Variants in ERICH3 observed in about 807,000 individuals in gnomAD.
The protein encoded by ERICH3 is glutamate-rich protein 3.
A neutral mutation model predicts 131.1 loss-of-function variants in ERICH3; 126 were observed. That is an observed-to-expected ratio of 0.96 (90% CI 0.83 to 1.11). ERICH3 has a LOEUF of 1.11. ERICH3 is among the 50% of genes most tolerant of loss of function. The probability of loss-of-function intolerance (pLI) is 0.00; values close to 1 mark genes in which losing one functional copy is unlikely to be tolerated. For missense variants in ERICH3, 2,050 were observed against 1,810.7 expected, an observed-to-expected ratio of 1.13 and a Z score of -2.40; for synonymous variants, 695 against 644.6, an observed-to-expected ratio of 1.08 and a Z score of -1.18.
At chr1:74,647,047 T>C (rs756786279) in intron 2 of ERICH3, among the ~76,000 whole-genome samples, 38 of 151,844 alleles carry the variant, frequency 2.5e-4, no homozygotes, top group Admixed American at 5.9e-4. Flanking sequence ...TATATCACTA[T>C]GGTTGATCAA....
Position 74,572,773 on chromosome 1 carries a change from T to G in ERICH3, c.2937A>C (p.Glu979Asp). The G allele has an allele frequency of 6.2e-7, 1 of 1,613,964 alleles. No homozygotes were observed. Among genetic ancestry groups the G allele is most frequent in the Non-Finnish European group, 8.5e-7 (1 of 1,179,976 alleles). ...TAACCTCTTTTCTCTCTTTGGCTGGTTCCTCTCCCCCAAGAATTGCCTCTT... is the reference window on the plus strand; with the variant it reads ...TAACCTCTTTTCTCTCTTTGGCTGGGTCCTCTCCCCCAAGAATTGCCTCTT... The part of the protein sequence containing the change: ...GSEEAILGGE[E>D]PAKERKEVMR... The change falls in exon 14 of 15, where the codon GAA (glutamate) becomes GAC (aspartate). Residue 979 changes from glutamate to aspartate, a missense_variant. Transcript: ENST00000326665.
At chr1:74,670,200 A>G (rs1428699567) in intron 1 of ERICH3, among the ~76,000 whole-genome samples, 2 of 152,168 alleles carry the variant, frequency 1.3e-5, no homozygotes, top group East Asian at 3.8e-4. Context: ...CACTATTACG[A>G]AATTAGCCTC....
intron 11 of ERICH3, among the ~76,000 whole-genome samples, chr1:74,599,321 T>A (rs1648007046): frequency 6.6e-6 from 1 of 151,898 alleles, no homozygotes; most frequent in Non-Finnish European, 1.5e-5. Flanking sequence ...GCTGCATTAA[T>A]AAAGTGTGAA....
At chr1:74,632,040 T>A in intron 6 of ERICH3, 112 bp from the exon 7 acceptor site, 1 of 931,106 alleles carries the variant, frequency 1.1e-6, no homozygotes. Context: ...ACACAACTGA[T>A]ATCAATAGAC....
chr1:74,631,066 A>G (rs1171463798), intron 7 of ERICH3, among the ~76,000 whole-genome samples: 1 of 152,086 alleles, frequency 6.6e-6, no homozygotes, highest in East Asian at 1.9e-4. Flanking sequence ...TCACTTCCTG[A>G]TGGTCAGTCA....
At chr1:74,591,398 G>A (rs1647595260) in intron 11 of ERICH3, among the ~76,000 whole-genome samples, 1 of 152,182 alleles carries the variant, frequency 6.6e-6, no homozygotes. Context: ...CAGGAGCTGG[G>A]CTTTCATACT....
chr1:74,620,910 G>T lies in ERICH3; in HGVS notation c.824C>A (p.Ser275Ter), dbSNP rs746645595. 1.9e-6 allele frequency: 3 copies of T among 1,578,508 alleles called. No homozygotes were observed. Among genetic ancestry groups the T allele is most frequent in the Non-Finnish European group, 2.6e-6 (3 of 1,163,558 alleles). ...TAAGGATGTTTTATGAATCCTTCTT[G>T]AATCCTGAAATAAACAGAAAAATGA... ...NGLEPLLTKD[S>*]RRIHKTSLHS... The change falls in exon 8 of 15, where the codon TCA becomes TAA. Residue 275 changes from serine (S) to a stop codon, truncating the protein, a stop_gained. Coordinates refer to ENST00000326665, the MANE Select transcript of ERICH3 (RefSeq NM_001002912.5). LOFTEE classifies it high-confidence loss of function.
intron 7 of ERICH3, chr1:74,626,177 A>T (rs1391272728): frequency 6.6e-6 from 1 of 152,172 alleles, no homozygotes; most frequent in Non-Finnish European, 1.5e-5. Context: ...TTCTATTTCT[A>T]TTGGACATCT....
intron 8 of ERICH3, among the ~76,000 whole-genome samples, chr1:74,620,327 G>A (rs962495904): frequency 6.6e-6 from 1 of 152,100 alleles, no homozygotes; most frequent in Non-Finnish European, 1.5e-5. Context: ...TTGGATTTGT[G>A]ATTTTATCTC....
intron 9 of ERICH3, 104 bp downstream of exon 9, chr1:74,612,519 T>C: frequency 9.6e-7 from 1 of 1,042,760 alleles, no homozygotes; most frequent in East Asian, 2.5e-5. Flanking sequence ...GGCCCATCTA[T>C]ACTGAATTTC....
rs191594924 is a variant in ERICH3, at chr1:74,580,412, C to G, written c.2177-3476G>C. On this transcript the variant is annotated intron_variant, in intron 12 of 14. Coordinates refer to ENST00000326665, the MANE Select transcript of ERICH3 (RefSeq NM_001002912.5). The stretch of plus-strand genomic sequence containing the variant: ...TAAACACTACTTATAATCATTTTTG[C>G]ACATATTTCTGACTATTCCCTTAGG... Among the ~76,000 whole-genome samples, 42 of 152,200 alleles carry G rather than the reference C, an allele frequency of 2.8e-4. No individual in the cohort carries two copies. In the East Asian group the frequency reaches 6.6e-3, roughly 24 times the overall value.
rs759269285 is a variant in ERICH3, at chr1:74,572,432, T to C, written c.3278A>G (p.Lys1093Arg). The C allele has an allele frequency of 3.7e-6, 6 of 1,614,034 alleles. No homozygotes were observed. The Middle Eastern group carries it at 4.9e-4, about 133-fold the overall frequency. The part of the protein sequence containing the change: ...ANALKDEDAF[K>R]EEQKLKAEEG... ...TTCCGCTTTAAGTTTTTGCTCTTCT[T>C]TAAAAGCATCTTCATCCTTGAGTGC... Residue 1093 changes from lysine (K) to arginine (R), a missense_variant, in exon 14 of 15, where the codon AAA (lysine) becomes AGA (arginine). Transcript: ENST00000326665.
At chr1:74,654,083 A>C (rs994755609) in intron 1 of ERICH3, among the ~76,000 whole-genome samples, 1 of 152,158 alleles carries the variant, frequency 6.6e-6, no homozygotes, top group African/African-American at 2.4e-5. Context: ...CCTCATTAAA[A>C]TGACCTTTAC....
At chr1:74,666,944 G>T (rs1245019067) in intron 1 of ERICH3, among the ~76,000 whole-genome samples, 6 of 152,162 alleles carry the variant, frequency 3.9e-5, no homozygotes, top group Non-Finnish European at 8.8e-5. Context: ...AGTGCCTACA[G>T]ATTCAAATAA....
chr1:74,612,768 A>G lies in ERICH3; in HGVS notation c.1042T>C (p.Phe348Leu). Residue 348 changes from phenylalanine to leucine, a missense_variant, in exon 9 of 15, where the codon TTC becomes CTC. By Grantham distance (22) the Phe-to-Leu change is conservative. Coordinates refer to ENST00000326665, the MANE Select transcript of ERICH3 (RefSeq NM_001002912.5). ...FISKRHHGFP[F>L]SLTFFLNGMQ... ...CCATTCAGGAAAAAGGTGAGACTGA[A>G]GGGGAAACCATGATGCCTTTTGGAA... 4 of 1,597,934 alleles carry G rather than the reference A, an allele frequency of 2.5e-6. No homozygotes were observed. Among genetic ancestry groups the G allele is most frequent in the Non-Finnish European group, 3.4e-6 (4 of 1,167,096 alleles).
At chr1:74,618,784 C>A (rs1252480158) in intron 8 of ERICH3, among the ~76,000 whole-genome samples, 2 of 152,166 alleles carry the variant, frequency 1.3e-5, no homozygotes, top group Non-Finnish European at 2.9e-5. Context: ...TTTATTGTTA[C>A]TTCTAATAAA....
rs781004327 is a variant in ERICH3 at position 74,631,842 on chromosome 1, G to A, written c.690C>T (p.Tyr230=). ...GAAGTGGAGGAGGAATAGGCATCAT[G>A]TAACTGTTAATGTTTGGAAGTTGAT... is the stretch of plus-strand genomic sequence containing the variant. ...NSYQLPNINS[Y]MMPIPPPLPP... is the part of the protein sequence containing the mutation. The change falls in exon 7 of 15, where the codon TAC becomes TAT. Residue 230 remains tyrosine, a synonymous_variant. Transcript: ENST00000326665. 1.2e-6 allele frequency: 2 copies of A among 1,613,474 alleles called. No individual in the cohort carries two copies. Among genetic ancestry groups the A allele is most frequent in the Non-Finnish European group, 1.7e-6 (2 of 1,179,554 alleles).
chr1:74,667,033 C>A (rs755319510), intron 1 of ERICH3, among the ~76,000 whole-genome samples: 1 of 152,070 alleles, frequency 6.6e-6, no homozygotes, highest in Non-Finnish European at 1.5e-5. Flanking sequence ...GGATTAGTAG[C>A]TGGTCAGTTA....
chr1:74,653,520 T>C (rs1393931167), intron 1 of ERICH3, among the ~76,000 whole-genome samples: 1 of 152,134 alleles, frequency 6.6e-6, no homozygotes, highest in Non-Finnish European at 1.5e-5. Flanking sequence ...TATCTCCATG[T>C]CAGGCACTGA....
Sources: gnomAD v4.1 joint callset for allele counts (sites outside exome capture counted in the v4.1 genomes callset) on GRCh38, gnomAD v4.1.1 for gene constraint, MANE v1.5 for transcripts, NCBI Gene and HGNC (gene_info 2026-07-23, HGNC 2026-07-21) for gene names.